Variants in PGBD5 observed in about 807,000 individuals in gnomAD.
PGBD5 encodes piggyBac transposable element derived 5.
Under a neutral mutation model 47.9 loss-of-function variants are expected in PGBD5, and 14 were observed. The ratio of observed to expected loss-of-function variants is 0.29; its 90% confidence interval spans 0.19 to 0.46. PGBD5 has a LOEUF of 0.46. Among genes scored for constraint, PGBD5 ranks in the 20% least tolerant of loss-of-function variants. PGBD5 has a pLI of 1.00. For synonymous variants in PGBD5, 316 were observed against 306.3 expected, an observed-to-expected ratio of 1.03 and a Z score of -0.33; for missense variants, 635 against 716.0, an observed-to-expected ratio of 0.89 and a Z score of 1.29.
At chr1:230,367,394 G>A (rs1571843403) in intron 1 of PGBD5, among the ~76,000 whole-genome samples, 2 of 152,288 alleles carry the variant, frequency 1.3e-5, no homozygotes, top group East Asian at 3.9e-4. Flanking sequence ...CATGTAGGGA[G>A]CAATCTGAGT....
chr1:230,402,005 CCA>C (rs1263400624), intron 1 of PGBD5, among the ~76,000 whole-genome samples: 1 of 152,150 alleles, frequency 6.6e-6, no homozygotes, highest in Non-Finnish European at 1.5e-5. Flanking sequence ...AGCAGCAGCC[CCA>C]GATACCAAAG....
At position 230,325,394 on chromosome 1, in the gene PGBD5, C is replaced by T. The variant is rs769721665; in HGVS notation, c.1295G>A (p.Ser432Asn). 1.9e-5 allele frequency: 31 copies of T among 1,613,492 alleles called. No individual in the cohort carries two copies. In the South Asian group the frequency reaches 2.2e-4, roughly 11 times the overall value. The change falls in exon 6 of 7, where the codon AGT becomes AAT. Residue 432 changes from serine to asparagine, a missense_variant. By Grantham distance (46) the Ser-to-Asn change is conservative (BLOSUM62 1). Coordinates refer to ENST00000391860, the MANE Select transcript of PGBD5 (RefSeq NM_001258311.2). Reference protein sequence around the residue: ...VQQGVIIKRKSGEIPCPLAVE... With the variant: ...VQQGVIIKRKNGEIPCPLAVE... The stretch of plus-strand genomic sequence containing the variant: ...GGCCAAGGGGCATGGGATCTCCCCA[C>T]TCTTCCTTTTGATGATGACTCCTGA...
chr1:230,367,992 T>A (rs762714157), intron 1 of PGBD5: 16 of 1,367,588 alleles, frequency 1.2e-5, no homozygotes, highest in Non-Finnish European at 1.6e-5. Context: ...ACCAAGGAGC[T>A]GGGGGTTCTC....
chr1:230,406,311 CAAAAAA>C (rs67577027), intron 1 of PGBD5, among the ~76,000 whole-genome samples: 4 of 54,644 alleles, frequency 7.3e-5, no homozygotes, highest in Non-Finnish European at 1.0e-4. Flanking sequence ...GACTCCGTCT[CAAAAAA>C]AAAAAAAAAA....
intron 1 of PGBD5, among the ~76,000 whole-genome samples, chr1:230,392,489 G>A (rs1656808951): frequency 6.6e-6 from 1 of 152,198 alleles, no homozygotes; most frequent in Admixed American, 6.5e-5. Flanking sequence ...CTCCAAAGCT[G>A]AGTTATAAAG....
In PGBD5 at chr1:230,333,014, G is replaced by A. The variant is rs889200747; in HGVS notation, c.1103C>T (p.Ala368Val). ...QGIYCCGLLR[A>V]RKSDCTGLPL... ...GAGGCCGGTGCAGTCACTCTTCCGC[G>A]CGCGGAGCAAGCCGCAGCAGTAAAT... Residue 368 changes from alanine to valine, a missense_variant, in exon 5 of 7, where the codon GCG (alanine) becomes GTG (valine). By Grantham distance (64) the Ala-to-Val change is moderately conservative. Transcript: ENST00000391860. 7 of 1,606,546 alleles carry A rather than the reference G, an allele frequency of 4.4e-6. No individual in the cohort carries two copies. The highest frequency in any genetic ancestry group is 5.9e-6 in the Non-Finnish European group (7 of 1,176,762).
chr1:230,325,893 T>C (rs1270512267), intron 5 of PGBD5, among the ~76,000 whole-genome samples: 2 of 151,842 alleles, frequency 1.3e-5, no homozygotes, highest in Admixed American at 6.6e-5. Context: ...AGCCAAGGGG[T>C]GTCGGCAACT....
At chr1:230,376,113 G>A (rs1668010135) in intron 1 of PGBD5, among the ~76,000 whole-genome samples, 1 of 61,654 alleles carries the variant, frequency 1.6e-5, no homozygotes, top group African/African-American at 4.6e-5. Context: ...CGTGGGCAGA[G>A]TCACAGGGTG....
chr1:230,383,926 C>G lies in PGBD5; in HGVS notation c.332-26605G>C, dbSNP rs541500793. Among the ~76,000 whole-genome samples, 5 of 152,272 alleles carry G rather than the reference C, an allele frequency of 3.3e-5. No individual in the cohort carries two copies. In the South Asian group the frequency reaches 8.3e-4, roughly 25 times the overall value. On this transcript the variant is annotated intron_variant, in intron 1 of 6. Coordinates refer to ENST00000391860, the MANE Select transcript of PGBD5 (RefSeq NM_001258311.2). ...GATGAAGCCAGTGGTGAGAGAAGCC[C>G]AGGTGAAGGCAGTAGATCAGGCTCG...
intron 5 of PGBD5, among the ~76,000 whole-genome samples, chr1:230,329,121 T>C (rs894770188): frequency 7.2e-6 from 1 of 139,500 alleles, no homozygotes; most frequent in Admixed American, 7.3e-5. Flanking sequence ...TAATTTTTTT[T>C]TGGGGGGGGA....
chr1:230,377,599 G>A (rs1668034071), intron 1 of PGBD5: 1 of 1,572,048 alleles, frequency 6.4e-7, no homozygotes, highest in Non-Finnish European at 8.6e-7. Flanking sequence ...CACGAAGAGA[G>A]CTCGAGTTCT....
chr1:230,316,005 T>C lies in PGBD5; in HGVS notation c.*7420A>G, dbSNP rs1666936513. ...ATGTGTATACATACATAAGTATATG[T>C]GTACACATATATGTATGTGTATACA... On this transcript the variant is annotated 3_prime_UTR_variant, in exon 7 of 7. Coordinates refer to ENST00000391860, the MANE Select transcript of PGBD5 (RefSeq NM_001258311.2). The C allele has an allele frequency of 7.1e-6, 1 of 140,068 alleles. No individual in the cohort carries two copies. The highest frequency in any genetic ancestry group is 2.1e-4 in the East Asian group (1 of 4,688). The allele number at this position is 140,068 out of a possible 1,614,324, so 8.7% of individuals were successfully genotyped here. A position where few individuals can be genotyped will look rare whatever the true frequency, so the allele number is the denominator to read the frequency against.
chr1:230,326,164 C>T (rs1324065014), intron 5 of PGBD5, among the ~76,000 whole-genome samples: 1 of 152,122 alleles, frequency 6.6e-6, no homozygotes, highest in Non-Finnish European at 1.5e-5. Context: ...ACGCCTGTAA[C>T]CCCAGCACTT....
At chr1:230,334,836 C>A (rs138688351) in intron 4 of PGBD5, among the ~76,000 whole-genome samples, 1,800 of 152,326 alleles carry the variant, frequency 0.012, 24 homozygotes, top group Non-Finnish European at 0.019. Context: ...AATTCCATAT[C>A]TAAATATTTT....
chr1:230,348,955 C>T (rs979675034), intron 3 of PGBD5, among the ~76,000 whole-genome samples: 3 of 152,240 alleles, frequency 2.0e-5, no homozygotes, highest in Non-Finnish European at 4.4e-5. Flanking sequence ...TTGTCAGCTT[C>T]AATTCTGGCT....
At position 230,370,091 on chromosome 1, in the gene PGBD5, C is replaced by T. The variant is rs546147742; in HGVS notation, c.332-12770G>A. 8.5e-5 allele frequency among the ~76,000 whole-genome samples: 13 copies of T among 152,272 alleles called. No homozygotes were observed. The South Asian group carries it at 1.0e-3, about 12-fold the overall frequency. On this transcript the variant is annotated intron_variant, in intron 1 of 6. Transcript: ENST00000391860. ...GACGGGAGCCTCTGCAGATGCAGAA[C>T]GTAACACGGAAAAGGAGACCAGAGG...
intron 1 of PGBD5, among the ~76,000 whole-genome samples, chr1:230,371,118 T>C (rs1164515446): frequency 6.6e-6 from 1 of 152,210 alleles, no homozygotes; most frequent in Non-Finnish European, 1.5e-5. Flanking sequence ...AGACTTCTGT[T>C]TGCAAGAGAA....
rs1190458413 is a variant in PGBD5, at chr1:230,323,493, G to A, written c.1507C>T (p.Arg503Trp). Residue 503 changes from arginine to tryptophan, a missense_variant, in exon 7 of 7, where the codon CGG becomes TGG. Physicochemically the swap from Arg to Trp is moderately radical, Grantham distance 101. Coordinates refer to ENST00000391860, the MANE Select transcript of PGBD5 (RefSeq NM_001258311.2). This position sits in a 1 kb window ranked among gnomAD's most constrained non-coding sequence, Gnocchi z 4.1. ...SDAYHVKRYSRAQFGERLVRE... is the reference protein window; with the variant it reads ...SDAYHVKRYSWAQFGERLVRE... ...ACGAGTCTCTCTCCAAACTGCGCCC[G>A]GCTGTACCTCTTCACGTGGTAGGCG... 2.5e-6 allele frequency: 4 copies of A among 1,614,130 alleles called. No individual in the cohort carries two copies. Among genetic ancestry groups the A allele is most frequent in the South Asian group, 1.1e-5 (1 of 91,078 alleles).
intron 1 of PGBD5, among the ~76,000 whole-genome samples, chr1:230,399,233 G>A (rs1018591654): frequency 6.6e-6 from 1 of 152,138 alleles, no homozygotes; most frequent in Non-Finnish European, 1.5e-5. Flanking sequence ...AGCTTAAGCT[G>A]AACAATTATT....
Sources: allele counts gnomAD v4.1 joint callset (sites outside exome capture counted in the v4.1 genomes callset), GRCh38; gene constraint gnomAD v4.1.1; non-coding constraint Gnocchi (gnomAD v3.1); transcripts MANE v1.5; gene names NCBI Gene and HGNC (gene_info 2026-07-23, HGNC 2026-07-21).